Variants in AGBL1 observed in about 807,000 individuals in gnomAD.
The protein encoded by AGBL1 is AGBL carboxypeptidase 1, also known as cytosolic carboxypeptidase 4.
AGBL1 carries 130 observed loss-of-function variants against 118.9 expected under a neutral mutation model. The ratio of observed to expected loss-of-function variants is 1.09; its 90% CI spans 0.95 to 1.26. AGBL1 has a LOEUF of 1.26. Among genes scored for constraint, AGBL1 ranks in the 50% most tolerant of loss-of-function variants. The probability of loss-of-function intolerance (pLI) is 0.00; values close to 1 mark genes in which losing one functional copy is unlikely to be tolerated. For missense variants in AGBL1, 1,584 were observed against 1,298.1 expected (o/e 1.22, Z -3.38); for synonymous variants, 555 against 478.9 (o/e 1.16, Z -2.08).
intron 1 of AGBL1, among the ~76,000 whole-genome samples, chr15:86,098,275 G>T (rs1896506351): frequency 6.6e-6 from 1 of 151,892 alleles, no homozygotes; most frequent in Admixed American, 6.6e-5. Context: ...TCCTCATTCT[G>T]TTGATTGTTT....
At chr15:86,088,434 G>A (rs1895808719) in intron 1 of AGBL1, 1 of 152,250 alleles carries the variant, frequency 6.6e-6, no homozygotes, top group African/African-American at 2.4e-5. Context: ...TCCGGCTGCT[G>A]CCACAGCTTT....
chr15:86,814,680 C>T (rs985058899), intron 22 of AGBL1, among the ~76,000 whole-genome samples: 1 of 152,156 alleles, frequency 6.6e-6, no homozygotes, highest in Non-Finnish European at 1.5e-5. Context: ...ATGGTTAATG[C>T]TCTGGAGCTG....
chr15:86,413,143 T>C (rs1311272842), intron 18 of AGBL1, among the ~76,000 whole-genome samples: 1 of 152,138 alleles, frequency 6.6e-6, no homozygotes, highest in Admixed American at 6.6e-5. Flanking sequence ...ACATCTTACA[T>C]TTCAACAAAC....
intron 1 of AGBL1, among the ~76,000 whole-genome samples, chr15:86,095,646 CCTTTTTTTTTTTTTT>C (rs1338912957): frequency 8.6e-6 from 1 of 116,684 alleles, no homozygotes; most frequent in Non-Finnish European, 1.7e-5. Flanking sequence ...ACCTTGGATA[CCTTTTTTTTTTTTTT>C]TTTTTTTTTT....
At position 86,910,049 on chromosome 15, in the gene AGBL1, G is replaced by A. The variant is rs555448556; in HGVS notation, c.*2755G>A. 6 of 152,270 alleles carry A rather than the reference G, an allele frequency of 3.9e-5. No homozygotes were observed. In the South Asian group the frequency reaches 1.2e-3, roughly 32 times the overall value. The allele number at this position is 152,270 out of a possible 1,614,324, so 9.4% of individuals were successfully genotyped here. On this transcript the variant is annotated 3_prime_UTR_variant, in exon 23 of 23. Transcript: ENST00000614907. ...GTGCCCTCAGTAACCAGACAAAGAA[G>A]AACAATAAACATTCTAAGTTAATGC...
chr15:86,839,693 G>A (rs1002692433), intron 22 of AGBL1, among the ~76,000 whole-genome samples: 17 of 152,088 alleles, frequency 1.1e-4, no homozygotes, highest in South Asian at 4.1e-4. Flanking sequence ...ATTGCCAAAC[G>A]TCTCCTGAGT....
intron 22 of AGBL1, among the ~76,000 whole-genome samples, chr15:86,805,696 A>C (rs1567182319): frequency 1.3e-5 from 2 of 152,126 alleles, no homozygotes; most frequent in Non-Finnish European, 2.9e-5. Flanking sequence ...TATTTTCATG[A>C]TGTTTCATGT....
chr15:86,716,670 A>G (rs915415493), intron 22 of AGBL1, among the ~76,000 whole-genome samples: 2 of 152,248 alleles, frequency 1.3e-5, no homozygotes, highest in African/African-American at 2.4e-5. Flanking sequence ...ACCTGAGACA[A>G]TTAAGACATT....
intron 23 of AGBL1, among the ~76,000 whole-genome samples, chr15:86,972,292 C>T (rs74025711): frequency 0.04 from 6,089 of 152,006 alleles, 153 homozygotes; most frequent in Middle Eastern, 0.068. Flanking sequence ...ACAGATACAA[C>T]ATTTGGCATT....
rs575780696 is a variant in AGBL1, at chr15:86,094,412, T to C, written c.51+14389T>C. 5.3e-5 allele frequency among the ~76,000 whole-genome samples: 8 copies of C among 152,278 alleles called. No homozygotes were observed. The East Asian group carries it at 1.5e-3, about 29-fold the overall frequency. Reference sequence around the variant, plus strand: ...GGTATTTTGATAACTTTCTATTTAATTTGAAATAGAGAAGAAAAATGATGT... The same window carrying C: ...GGTATTTTGATAACTTTCTATTTAACTTGAAATAGAGAAGAAAAATGATGT... On this transcript the variant is annotated intron_variant, in intron 1 of 22. Coordinates refer to ENST00000614907, the MANE Select transcript of AGBL1 (RefSeq NM_001386094.1).
chr15:86,833,482 C>G (rs190417409), intron 22 of AGBL1, among the ~76,000 whole-genome samples: 1 of 152,214 alleles, frequency 6.6e-6, no homozygotes, highest in South Asian at 2.1e-4. Flanking sequence ...CTTCCTCACT[C>G]TTCTCTTGTT....
intron 22 of AGBL1, among the ~76,000 whole-genome samples, chr15:86,707,233 A>G (rs1157766650): frequency 6.6e-6 from 1 of 152,110 alleles, no homozygotes; most frequent in East Asian, 1.9e-4. Context: ...CAATACCATA[A>G]TAGGGAACAA....
chr15:86,560,273 A>G (rs906184442), intron 21 of AGBL1, among the ~76,000 whole-genome samples: 1 of 151,482 alleles, frequency 6.6e-6, no homozygotes, highest in Non-Finnish European at 1.5e-5. Flanking sequence ...GATATCTCCT[A>G]ATGCTATCCC....
Position 86,400,881 on chromosome 15 carries a change from G to T in AGBL1, c.2555+3335G>T, listed in dbSNP as rs2081435298. On this transcript the variant is annotated intron_variant, in intron 18 of 22. Transcript: ENST00000614907. ...CCACTCATAGGTTGATGGCACTTAG[G>T]TTGGTTCCATATCTCTGCAATTGCG... 2.0e-5 allele frequency among the ~76,000 whole-genome samples: 3 copies of T among 152,034 alleles called. No individual in the cohort carries two copies. In the South Asian group the frequency reaches 6.2e-4, roughly 32 times the overall value.
intron 21 of AGBL1, among the ~76,000 whole-genome samples, chr15:86,594,164 G>C (rs1050651914): frequency 3.9e-5 from 6 of 151,976 alleles, no homozygotes; most frequent in Non-Finnish European, 7.4e-5. Flanking sequence ...TCCCACCTAG[G>C]CCTCCCAAAG....
intron 1 of AGBL1, among the ~76,000 whole-genome samples, chr15:86,128,300 C>T (rs1450230165): frequency 3.3e-5 from 5 of 151,924 alleles, no homozygotes; most frequent in African/African-American, 7.2e-5. Context: ...TCAGATCTCA[C>T]GAGAGTTATT....
At chr15:86,483,866 A>G (rs2082682466) in intron 18 of AGBL1, among the ~76,000 whole-genome samples, 1 of 152,158 alleles carries the variant, frequency 6.6e-6, no homozygotes, top group African/African-American at 2.4e-5. Context: ...ATCCCAGCTC[A>G]TCTTGAATAC....
At chr15:86,237,658 C>T (rs528058121) in intron 6 of AGBL1, among the ~76,000 whole-genome samples, 1 of 152,034 alleles carries the variant, frequency 6.6e-6, no homozygotes, top group Non-Finnish European at 1.5e-5. Flanking sequence ...AGTCTAGACT[C>T]AAAATAAAAA....
chr15:86,449,081 C>A (rs6496331), intron 18 of AGBL1, among the ~76,000 whole-genome samples: 100,690 of 151,780 alleles, frequency 0.66, 35,165 homozygotes, highest in African/African-American at 0.87. Flanking sequence ...GAGTATATAC[C>A]GAGAAAATAT....
Sources: allele counts gnomAD v4.1 joint callset (sites outside exome capture counted in the v4.1 genomes callset), GRCh38; gene constraint gnomAD v4.1.1; transcripts MANE v1.5; gene names NCBI Gene and HGNC (gene_info 2026-07-23, HGNC 2026-07-21).